The following FAR2 variants were observed in gnomAD, a reference collection of about 807,000 sequenced individuals.
The protein encoded by FAR2 is fatty acyl-CoA reductase 2, also known as epididymis secretory protein Li 81.
FAR2 carries 19 observed loss-of-function variants against 56.0 expected under a neutral mutation model. The ratio of observed to expected loss-of-function variants is 0.34; its 90% CI spans 0.24 to 0.50. The LOEUF is 0.50. Ranked by LOEUF, FAR2 falls within the 20% of genes least tolerant of loss-of-function variation. The probability of loss-of-function intolerance (pLI) is 0.98; values close to 1 mark genes in which losing one functional copy is unlikely to be tolerated. For missense variants in FAR2, 508 were observed against 642.2 expected, an observed-to-expected ratio of 0.79 and a Z score of 2.26; for synonymous variants, 219 against 218.8, an observed-to-expected ratio of 1.00 and a Z score of -0.01.
At chr12:29,295,634 TTTG>T (rs1166577899) in intron 3 of FAR2, among the ~76,000 whole-genome samples, 1 of 152,138 alleles carries the variant, frequency 6.6e-6, no homozygotes, top group Admixed American at 6.5e-5. Flanking sequence ...TTATTTGTTT[TTTG>T]TTATTATATA....
At chr12:29,213,378 A>G (rs1203676704) in intron 1 of FAR2, among the ~76,000 whole-genome samples, 2 of 152,314 alleles carry the variant, frequency 1.3e-5, no homozygotes, top group East Asian at 1.9e-4. Flanking sequence ...GGCCCCTGCC[A>G]TATATGAGTA....
chr12:29,273,040 G>A lies in FAR2; in HGVS notation c.189+2402G>A, dbSNP rs140841720. ...TCCTTCTCCTGGGACCTCTGACCTC[G>A]AGGGGCACCAGCCTGATGCCAGTAG... On this transcript the variant is annotated intron_variant, in intron 2 of 11. Coordinates refer to ENST00000536681, the MANE Select transcript of FAR2 (RefSeq NM_001271783.2). Among the ~76,000 whole-genome samples the A allele has an allele frequency of 3.3e-3, 496 of 152,230 alleles. 1 individual carries two copies. The highest frequency in any genetic ancestry group is 0.022 in the East Asian group (114 of 5,164).
intron 1 of FAR2, among the ~76,000 whole-genome samples, chr12:29,201,287 T>C (rs1468726842): frequency 1.3e-5 from 2 of 152,334 alleles, no homozygotes; most frequent in East Asian, 3.9e-4. Flanking sequence ...TCACAAGACA[T>C]GTTTGTTTTA....
At chr12:29,188,784 T>G (rs1950071096) in intron 1 of FAR2, among the ~76,000 whole-genome samples, 1 of 151,986 alleles carries the variant, frequency 6.6e-6, no homozygotes, top group African/African-American at 2.4e-5. Flanking sequence ...TTTTGTTTTT[T>G]TTTTTTCATG....
At chr12:29,218,330 G>A (rs999377747) in intron 1 of FAR2, among the ~76,000 whole-genome samples, 7 of 149,934 alleles carry the variant, frequency 4.7e-5, no homozygotes, top group Non-Finnish European at 1.0e-4. Context: ...CTGCACTCCA[G>A]TCTGGGTGAC....
intron 1 of FAR2, among the ~76,000 whole-genome samples, chr12:29,178,264 T>C (rs1300139020): frequency 6.6e-6 from 1 of 152,134 alleles, no homozygotes; most frequent in Non-Finnish European, 1.5e-5. Flanking sequence ...CATTAAGTGA[T>C]AATGTTTTAA....
At chr12:29,276,167 C>T (rs74078381) in intron 2 of FAR2, among the ~76,000 whole-genome samples, 3,476 of 152,254 alleles carry the variant, frequency 0.023, 122 homozygotes, top group African/African-American at 0.078. Flanking sequence ...ACCTTGCTTA[C>T]CCAGGGAGTC....
intron 1 of FAR2, among the ~76,000 whole-genome samples, chr12:29,152,804 A>G (rs1949691796): frequency 6.6e-6 from 1 of 152,260 alleles, no homozygotes; most frequent in Non-Finnish European, 1.5e-5. Flanking sequence ...AATAAGTGCA[A>G]TTAATTCCCA....
intron 2 of FAR2, among the ~76,000 whole-genome samples, chr12:29,273,803 C>T (rs1303802296): frequency 6.6e-6 from 1 of 152,212 alleles, no homozygotes; most frequent in African/African-American, 2.4e-5. Context: ...GCTCTTCTGA[C>T]CCATAGGTTG....
At chr12:29,239,059 G>A (rs756518763) in intron 1 of FAR2, among the ~76,000 whole-genome samples, 4 of 152,090 alleles carry the variant, frequency 2.6e-5, no homozygotes, top group Non-Finnish European at 4.4e-5. Context: ...TTACTTAAAG[G>A]CAGTTAAGGA....
chr12:29,265,871 T>C (rs924848418), intron 1 of FAR2, among the ~76,000 whole-genome samples: 1 of 152,190 alleles, frequency 6.6e-6, no homozygotes, highest in Non-Finnish European at 1.5e-5. Context: ...AATAGACATT[T>C]CCCAAAAGAA....
chr12:29,167,034 A>G (rs1291624992), intron 1 of FAR2, among the ~76,000 whole-genome samples: 2 of 150,968 alleles, frequency 1.3e-5, no homozygotes, highest in Admixed American at 6.6e-5. Context: ...TTTATTTGTT[A>G]CTCCCAATTT....
intron 1 of FAR2, among the ~76,000 whole-genome samples, chr12:29,198,123 A>C (rs11050114): frequency 0.74 from 112,275 of 152,124 alleles, 43,467 homozygotes; most frequent in East Asian, 0.91. Context: ...AGCAAAAAAC[A>C]TGCTTGGAGA....
chr12:29,316,101 A>G (rs954387851), intron 8 of FAR2, among the ~76,000 whole-genome samples: 1 of 152,168 alleles, frequency 6.6e-6, no homozygotes, highest in Non-Finnish European at 1.5e-5. Context: ...TCATATTACC[A>G]TAATAAGTGA....
At chr12:29,239,174 G>C (rs1053368383) in intron 1 of FAR2, among the ~76,000 whole-genome samples, 2 of 152,134 alleles carry the variant, frequency 1.3e-5, no homozygotes, top group African/African-American at 4.8e-5. Flanking sequence ...GCAAGTTATA[G>C]GACCTGCCTG....
At chr12:29,275,041 C>G (rs946396950) in intron 2 of FAR2, among the ~76,000 whole-genome samples, 1 of 150,594 alleles carries the variant, frequency 6.6e-6, no homozygotes, top group Non-Finnish European at 1.5e-5. Context: ...AAAGATCCAC[C>G]TATGACCTCA....
chr12:29,318,980 TTTTTC>T (rs1259161750), intron 9 of FAR2, among the ~76,000 whole-genome samples: 6 of 151,850 alleles, frequency 4.0e-5, no homozygotes, highest in East Asian at 1.9e-4. Context: ...AAGTCTTTTT[TTTTTC>T]TTTTTCTTTT....
At chr12:29,250,601 GT>G (rs1292309443) in intron 1 of FAR2, among the ~76,000 whole-genome samples, 3 of 152,148 alleles carry the variant, frequency 2.0e-5, no homozygotes, top group East Asian at 1.9e-4. Context: ...CATTATTTCA[GT>G]AATGAACAGT....
chr12:29,247,365 A>C (rs969279333), intron 1 of FAR2, among the ~76,000 whole-genome samples: 3 of 152,142 alleles, frequency 2.0e-5, no homozygotes, highest in African/African-American at 7.2e-5. Flanking sequence ...AATTCTCTTA[A>C]TCCACATATC....
Sources: allele counts gnomAD v4.1 joint callset (sites outside exome capture counted in the v4.1 genomes callset), GRCh38; gene constraint gnomAD v4.1.1; transcripts MANE v1.5; gene names NCBI Gene and HGNC (gene_info 2026-07-23, HGNC 2026-07-21).